The following CBFA2T3 variants were observed in gnomAD, a reference collection of about 807,000 sequenced individuals.
CBFA2T3 encodes the protein transcriptional corepressor CBFA2T3.
A neutral mutation model predicts 58.6 loss-of-function variants in CBFA2T3; 31 were observed. The observed-to-expected ratio is 0.53, with a 90% CI of 0.40 to 0.71. The LOEUF (loss-of-function observed/expected upper bound fraction) is 0.71, where lower values mean the gene tolerates loss of function less well. CBFA2T3 is among the 30% of genes least tolerant of loss of function. The pLI is 0.00. For missense variants in CBFA2T3, 1,076 were observed against 963.1 expected (o/e 1.12, Z -1.55); for synonymous variants, 531 against 421.9 (o/e 1.26, Z -3.17).
chr16:88,976,396 C>G (rs1157060994), intron 1 of CBFA2T3, among the ~76,000 whole-genome samples: 1 of 152,148 alleles, frequency 6.6e-6, no homozygotes, highest in Admixed American at 6.5e-5. Flanking sequence ...GCTGAGCAGC[C>G]CGGCCTCCAG....
chr16:88,895,994 T>C (rs531464359), intron 3 of CBFA2T3, among the ~76,000 whole-genome samples: 1 of 152,280 alleles, frequency 6.6e-6, no homozygotes, highest in South Asian at 2.1e-4. Flanking sequence ...GTACTGTGTG[T>C]CCCCAGCCAG....
In CBFA2T3 at chr16:88,892,172, C is replaced by G. The variant is rs889041801; in HGVS notation, c.621+72G>C. 4 of 1,541,218 alleles carry G rather than the reference C, an allele frequency of 2.6e-6. No individual in the cohort carries two copies. In the African/African-American group the frequency reaches 5.4e-5, roughly 21 times the overall value. ...AGCGTGGAGCCCATGTAAGGAGTGGCCGTGGCTGCAACCTCATTAAACGGA... is the reference window on the plus strand; with the variant it reads ...AGCGTGGAGCCCATGTAAGGAGTGGGCGTGGCTGCAACCTCATTAAACGGA... On this transcript the variant is annotated intron_variant, in intron 4 of 11. Coordinates refer to ENST00000268679, the MANE Select transcript of CBFA2T3 (RefSeq NM_005187.6).
intron 1 of CBFA2T3, among the ~76,000 whole-genome samples, chr16:88,904,153 C>G (rs1247203860): frequency 6.6e-6 from 1 of 152,238 alleles, no homozygotes; most frequent in East Asian, 1.9e-4. Context: ...GATCCCGAAG[C>G]TAGAGCAGAC....
At chr16:88,881,821 G>A (rs1277940389) in intron 8 of CBFA2T3, among the ~76,000 whole-genome samples, 2 of 152,240 alleles carry the variant, frequency 1.3e-5, no homozygotes, top group African/African-American at 4.8e-5. Flanking sequence ...AAGCATGAGG[G>A]CGAGGGGCGA....
chr16:88,976,203 TCACCGGGGTCTTGGG>T (rs1972857018), intron 1 of CBFA2T3, among the ~76,000 whole-genome samples: 1 of 152,166 alleles, frequency 6.6e-6, no homozygotes. Context: ...CATTTCCTCC[TCACCGGGGTCTTGGG>T]CCAGTGCCCT....
Position 88,977,182 on chromosome 16 carries a change from G to C in CBFA2T3, c.-375C>G. 1 of 275,038 alleles carries C rather than the reference G, an allele frequency of 3.6e-6. No homozygotes were observed. The highest frequency in any genetic ancestry group is 7.0e-6 in the Non-Finnish European group (1 of 143,444). The allele number at this position is 275,038 out of a possible 1,614,324, so 17.0% of individuals were successfully genotyped here. On this transcript the variant is annotated 5_prime_UTR_variant, in exon 1 of 12. Transcript: ENST00000268679. ...AACCATCTGGGGCCCTGCCCTGCGC[G>C]GCCTTCCCTCGGGCCATTCCGGTTT...
chr16:88,892,057 C>T (rs767945221), intron 4 of CBFA2T3, 86 bp from the exon 5 acceptor site: 63 of 1,390,596 alleles, frequency 4.5e-5, no homozygotes, highest in Non-Finnish European at 5.6e-5. Flanking sequence ...AGGAGGCTTC[C>T]GTGTTGGAGG....
At chr16:88,918,721 T>A (rs1288376647) in intron 1 of CBFA2T3, among the ~76,000 whole-genome samples, 1 of 152,224 alleles carries the variant, frequency 6.6e-6, no homozygotes, top group East Asian at 1.9e-4. Flanking sequence ...TAAGAACTTT[T>A]GAAATGTCCC....
rs548846553 is a variant in CBFA2T3 at position 88,887,716 on chromosome 16, G to A, written c.712-1574C>T. Among the ~76,000 whole-genome samples, 6 of 152,234 alleles carry A rather than the reference G, an allele frequency of 3.9e-5. No homozygotes were observed. In the South Asian group the frequency reaches 1.0e-3, roughly 26 times the overall value. ...AGGCAGTGTCCCCACTCTGTCCCCAGGAGCCCAGGGCACCCGGGGAGGTGT... is the reference window on the plus strand; with the variant it reads ...AGGCAGTGTCCCCACTCTGTCCCCAAGAGCCCAGGGCACCCGGGGAGGTGT... On this transcript the variant is annotated intron_variant, in intron 5 of 11. Transcript: ENST00000268679.
intron 1 of CBFA2T3, among the ~76,000 whole-genome samples, chr16:88,956,168 G>A (rs1273891530): frequency 6.6e-6 from 1 of 152,254 alleles, no homozygotes; most frequent in African/African-American, 2.4e-5. Flanking sequence ...GCCGTGGAGG[G>A]CAGCCGCCTG....
intron 4 of CBFA2T3, 124 bp from the exon 5 acceptor site, chr16:88,892,095 G>T: frequency 7.5e-7 from 1 of 1,340,116 alleles, no homozygotes; most frequent in Non-Finnish European, 1.0e-6. Flanking sequence ...AGCTGGGCAC[G>T]GCCTGAGAGG....
intron 1 of CBFA2T3, among the ~76,000 whole-genome samples, chr16:88,919,829 A>AAT (rs1171942174): frequency 1.8e-4 from 27 of 152,200 alleles, no homozygotes; most frequent in Non-Finnish European, 7.3e-5. Context: ...TGGAGGCCGC[A>AAT]TCAGACCCCG....
intron 1 of CBFA2T3, chr16:88,940,020 G>C (rs1431293327): frequency 6.6e-6 from 1 of 152,344 alleles, no homozygotes; most frequent in African/African-American, 2.4e-5. Context: ...GAGAGGAAAC[G>C]CACACCCGGG....
At position 88,881,252 on chromosome 16, in the gene CBFA2T3, A is replaced by T; in HGVS notation, c.1402+39T>A. ...TCCCAGGTGTCCGCCCCACCAGAGC[A>T]CCCCGTGTCTGCTCCCTCCCCCCAC... On this transcript the variant is annotated intron_variant, in intron 9 of 11. Transcript: ENST00000268679. 3 of 1,556,104 alleles carry T rather than the reference A, an allele frequency of 1.9e-6. No individual in the cohort carries two copies. The South Asian group carries it at 3.4e-5, about 17-fold the overall frequency.
chr16:88,948,238 C>T (rs1333802311), intron 1 of CBFA2T3, among the ~76,000 whole-genome samples: 1 of 152,230 alleles, frequency 6.6e-6, no homozygotes, highest in Non-Finnish European at 1.5e-5. Flanking sequence ...CAAATCGGTT[C>T]TGTCCCCCCT....
chr16:88,875,517 T>C lies in CBFA2T3; in HGVS notation c.*1459A>G. On this transcript the variant is annotated 3_prime_UTR_variant, in exon 12 of 12. Transcript: ENST00000268679. ...GGGCTGCTTTTGTTTGTAGTTTTTT[T>C]GTTTTTTCTGCAAAAGTTTGGAAGA... 4.3e-6 allele frequency: 1 copy of C among 233,858 alleles called. No individual in the cohort carries two copies. The highest frequency in any genetic ancestry group is 8.4e-6 in the Non-Finnish European group (1 of 118,378). The allele number at this position is 233,858 out of a possible 1,614,324, so 14.5% of individuals were successfully genotyped here. A position where few individuals can be genotyped will look rare whatever the true frequency, so the allele number is the denominator to read the frequency against.
intron 1 of CBFA2T3, among the ~76,000 whole-genome samples, chr16:88,903,805 G>A (rs1406478921): frequency 6.6e-6 from 1 of 152,112 alleles, no homozygotes; most frequent in Non-Finnish European, 1.5e-5. Context: ...AGCTTCAAAC[G>A]CCAGGCTGGC....
At chr16:88,950,437 G>A in intron 1 of CBFA2T3, 1 of 424,864 alleles carries the variant, frequency 2.4e-6, no homozygotes, top group Non-Finnish European at 4.6e-6. Context: ...GAGGGTCAGA[G>A]TGTTGGCACC....
rs867482622 is a variant in CBFA2T3 at position 88,876,595 on chromosome 16, G to A, written c.*381C>T. ...AAAGTGTGTGATAGTCATAGAGAGA[G>A]AGAGGATAGAGAAGACAGAGGGGGA... On this transcript the variant is annotated 3_prime_UTR_variant, in exon 12 of 12. Transcript: ENST00000268679. 3.6e-6 allele frequency: 1 copy of A among 275,298 alleles called. No homozygotes were observed. The highest frequency in any genetic ancestry group is 6.8e-6 in the Non-Finnish European group (1 of 147,254). 17.1% of individuals were successfully genotyped at this position (275,298 alleles called of 1,614,324 possible). A position where few individuals can be genotyped will look rare whatever the true frequency, so the allele number is the denominator to read the frequency against.
Sources: allele counts gnomAD v4.1 joint callset (sites outside exome capture counted in the v4.1 genomes callset), GRCh38; gene constraint gnomAD v4.1.1; transcripts MANE v1.5; gene names NCBI Gene and HGNC (gene_info 2026-07-23, HGNC 2026-07-21).